THSD4: variants seen among roughly 807,000 people sequenced by gnomAD.
THSD4 encodes thrombospondin type 1 domain containing 4.
THSD4 carries 69 observed loss-of-function variants against 119.0 expected under a neutral mutation model. The ratio of observed to expected loss-of-function variants is 0.58; its 90% CI spans 0.48 to 0.71. THSD4 has a LOEUF of 0.71. Ranked by LOEUF, THSD4 falls within the 30% of genes least tolerant of loss-of-function variation. THSD4 has a pLI of 0.00. For synonymous variants in THSD4, 524 were observed against 540.4 expected (o/e 0.97, Z 0.42); for missense variants, 1,393 against 1,391.1 (o/e 1.00, Z -0.02).
chr15:71,208,039 C>G (rs528943387), intron 3 of THSD4, among the ~76,000 whole-genome samples: 1 of 152,296 alleles, frequency 6.6e-6, no homozygotes, highest in East Asian at 1.9e-4. Context: ...ACAGCAAGTT[C>G]AAAGGAGCTG....
At chr15:71,591,726 C>T (rs1335475531) in intron 7 of THSD4, among the ~76,000 whole-genome samples, 1 of 127,170 alleles carries the variant, frequency 7.9e-6, no homozygotes, top group African/African-American at 2.8e-5. Flanking sequence ...CAGACTGCGG[C>T]CAGATTTTTT....
intron 5 of THSD4, among the ~76,000 whole-genome samples, chr15:71,246,884 G>A (rs1284270269): frequency 1.4e-5 from 2 of 139,812 alleles, no homozygotes; most frequent in Non-Finnish European, 3.1e-5. Flanking sequence ...CTGGTCCAAA[G>A]TCTTTTTTTT....
At chr15:71,109,166 G>A (rs1346241164) in intron 1 of THSD4, among the ~76,000 whole-genome samples, 2 of 152,202 alleles carry the variant, frequency 1.3e-5, no homozygotes, top group Admixed American at 6.5e-5. Flanking sequence ...GAGGAATAGA[G>A]GAGCCATTTC....
At chr15:71,610,876 C>T (rs558557070) in intron 7 of THSD4, among the ~76,000 whole-genome samples, 9 of 152,022 alleles carry the variant, frequency 5.9e-5, no homozygotes, top group South Asian at 4.2e-4. Flanking sequence ...GAGAGGTGCC[C>T]CTAGGTGAGT....
intron 5 of THSD4, among the ~76,000 whole-genome samples, chr15:71,243,518 T>A (rs939474909): frequency 1.3e-5 from 2 of 152,146 alleles, no homozygotes; most frequent in Non-Finnish European, 2.9e-5. Flanking sequence ...AGAGTGAAGT[T>A]GTGAAGAGTC....
intron 7 of THSD4, among the ~76,000 whole-genome samples, chr15:71,575,499 G>C (rs2049432651): frequency 1.3e-5 from 2 of 152,270 alleles, no homozygotes; most frequent in South Asian, 4.1e-4. Context: ...GAATGAACAA[G>C]AAGAGTACCT....
Position 71,372,086 on chromosome 15 carries a change from G to T in THSD4, c.1016-39601G>T, listed in dbSNP as rs1163751105. 8.5e-5 allele frequency among the ~76,000 whole-genome samples: 13 copies of T among 152,292 alleles called. No individual in the cohort carries two copies. The South Asian group carries it at 2.7e-3, about 32-fold the overall frequency. On this transcript the variant is annotated intron_variant, in intron 6 of 17. Transcript: ENST00000261862. Reference sequence around the variant, plus strand: ...TTGATCGAATTGGTTACTGAAGCTTGTGCATTCGTCACGTAGTTCTTGTGC... The same window carrying T: ...TTGATCGAATTGGTTACTGAAGCTTTTGCATTCGTCACGTAGTTCTTGTGC...
At chr15:71,569,454 T>A (rs990652661) in intron 7 of THSD4, among the ~76,000 whole-genome samples, 1 of 152,224 alleles carries the variant, frequency 6.6e-6, no homozygotes, top group African/African-American at 2.4e-5. Context: ...TTATTTATAA[T>A]GCCTTCATTC....
intron 7 of THSD4, among the ~76,000 whole-genome samples, chr15:71,507,577 G>A (rs1361838835): frequency 6.6e-6 from 1 of 152,156 alleles, no homozygotes; most frequent in Non-Finnish European, 1.5e-5. Context: ...GAAAGGTGGG[G>A]GCTGAGGAGA....
intron 7 of THSD4, among the ~76,000 whole-genome samples, chr15:71,629,260 G>C (rs528449454): frequency 6.6e-6 from 1 of 152,152 alleles, no homozygotes; most frequent in Non-Finnish European, 1.5e-5. Flanking sequence ...GCTGAAGCTG[G>C]ACAACTGACA....
intron 1 of THSD4, among the ~76,000 whole-genome samples, chr15:71,123,199 T>C (rs1434593845): frequency 6.6e-6 from 1 of 152,190 alleles, no homozygotes; most frequent in East Asian, 1.9e-4. Context: ...TGGCTGCTTC[T>C]GAGATTGCGC....
chr15:71,196,665 G>A (rs1395296668), intron 3 of THSD4, among the ~76,000 whole-genome samples: 3 of 152,110 alleles, frequency 2.0e-5, no homozygotes, highest in Admixed American at 6.6e-5. Context: ...CAATCAAGAT[G>A]GTGGCAGAAA....
chr15:71,256,547 G>A, intron 5 of THSD4, 66 bp from the exon 6 acceptor site: 1 of 1,268,332 alleles, frequency 7.9e-7, no homozygotes, highest in Non-Finnish European at 1.1e-6. Context: ...TCCAGGGTTT[G>A]GAAATGTATC....
chr15:71,737,656 G>A (rs2053139703), intron 10 of THSD4, 76 bp from the exon 11 acceptor site: 1 of 1,491,842 alleles, frequency 6.7e-7, no homozygotes, highest in African/African-American at 1.4e-5. Flanking sequence ...AGTCTCTAAT[G>A]TCGAAGCAAT....
At chr15:71,499,514 CAT>C (rs1490189191) in intron 7 of THSD4, among the ~76,000 whole-genome samples, 1 of 140,062 alleles carries the variant, frequency 7.1e-6, no homozygotes, top group African/African-American at 2.7e-5. Context: ...AAAAAAAAAA[CAT>C]AAAATTGACC....
intron 7 of THSD4, among the ~76,000 whole-genome samples, chr15:71,459,037 A>G (rs1457282895): frequency 6.6e-6 from 1 of 152,108 alleles, no homozygotes. Context: ...TGGATTGAAA[A>G]TATTTGGGAA....
intron 1 of THSD4, among the ~76,000 whole-genome samples, chr15:71,136,826 G>A (rs2040556433): frequency 6.6e-6 from 1 of 152,160 alleles, no homozygotes; most frequent in Non-Finnish European, 1.5e-5. Context: ...GGGCAGGAAG[G>A]ATACTCAGAG....
Position 71,215,183 on chromosome 15 carries a change from G to T in THSD4, c.248G>T (p.Arg83Leu). 2 of 1,364,922 alleles carry T rather than the reference G, an allele frequency of 1.5e-6. No individual in the cohort carries two copies. Among genetic ancestry groups the T allele is most frequent in the South Asian group, 1.7e-5 (1 of 59,952 alleles). The allele number at this position is 1,364,922 out of a possible 1,614,324, so 84.6% of individuals were successfully genotyped here. ...GAGCAGACGCGGCCCTGCCTGCCCC[G>T]CTCCTACCGCCTGCGCGGCGGCCAG... ...VMEQTRPCLP[R>L]SYRLRGGQRP... Residue 83 changes from arginine to leucine, a missense_variant, in exon 4 of 18, where the codon CGC becomes CTC. By Grantham distance (102) the Arg-to-Leu change is moderately radical. Coordinates refer to ENST00000261862, the MANE Select transcript of THSD4 (RefSeq NM_024817.3).
intron 7 of THSD4, among the ~76,000 whole-genome samples, chr15:71,637,687 A>G (rs2050772393): frequency 6.6e-6 from 1 of 151,138 alleles, no homozygotes; most frequent in Admixed American, 6.6e-5. Flanking sequence ...TCATGGGTAC[A>G]GAGTAGAGGT....
Sources: gnomAD v4.1 joint callset for allele counts (sites outside exome capture counted in the v4.1 genomes callset) on GRCh38, gnomAD v4.1.1 for gene constraint, MANE v1.5 for transcripts, NCBI Gene and HGNC (gene_info 2026-07-23, HGNC 2026-07-21) for gene names.